CDKAL1: variants seen among roughly 807,000 people sequenced by gnomAD.
The protein encoded by CDKAL1 is threonylcarbamoyladenosine tRNA methylthiotransferase.
A neutral mutation model predicts 68.2 loss-of-function variants in CDKAL1; 32 were observed. That is an observed-to-expected ratio of 0.47 (90% CI 0.35 to 0.63). The LOEUF is 0.63. CDKAL1 is among the 30% of genes least tolerant of loss of function. The pLI, the probability that CDKAL1 is intolerant of heterozygous loss-of-function variation, is 0.00. For missense variants in CDKAL1, 606 were observed against 696.7 expected (o/e 0.87, Z 1.47); for synonymous variants, 234 against 244.3 (o/e 0.96, Z 0.39).
At chr6:20,794,284 A>G (rs535068097) in intron 8 of CDKAL1, among the ~76,000 whole-genome samples, 2 of 152,056 alleles carry the variant, frequency 1.3e-5, no homozygotes, top group Non-Finnish European at 2.9e-5. Context: ...AAATATATCT[A>G]CTGTAAATAT....
chr6:20,557,071 A>C, intron 4 of CDKAL1, among the ~76,000 whole-genome samples: 1 of 149,960 alleles, frequency 6.7e-6, no homozygotes, highest in Non-Finnish European at 1.5e-5. Flanking sequence ...ATAAATAAAT[A>C]AATAAATAAA....
chr6:21,173,167 A>G lies in CDKAL1; in HGVS notation c.1300-24854A>G, dbSNP rs1239190347. ...GCATCCCCCCCACACACCCAAAAAT[A>G]CTCTTGGATGAGTAATTGTGCCTAT... On this transcript the variant is annotated intron_variant, in intron 13 of 15. Coordinates refer to ENST00000274695, the MANE Select transcript of CDKAL1 (RefSeq NM_017774.3). 6.0e-5 allele frequency among the ~76,000 whole-genome samples: 9 copies of G among 150,824 alleles called. No homozygotes were observed. The East Asian group carries it at 1.6e-3, about 26-fold the overall frequency.
chr6:21,135,031 G>T (rs761810777), intron 13 of CDKAL1, among the ~76,000 whole-genome samples: 23 of 152,034 alleles, frequency 1.5e-4, no homozygotes, highest in Non-Finnish European at 2.9e-4. Flanking sequence ...GAAATCTTAC[G>T]TAAATAGTCT....
chr6:20,955,121 G>A (rs982855560), intron 9 of CDKAL1, among the ~76,000 whole-genome samples: 1 of 152,150 alleles, frequency 6.6e-6, no homozygotes, highest in Non-Finnish European at 1.5e-5. Context: ...TGGGACTGAG[G>A]CTTTAGTCTT....
intron 5 of CDKAL1, among the ~76,000 whole-genome samples, chr6:20,684,311 A>T (rs551975699): frequency 6.6e-6 from 1 of 152,164 alleles, no homozygotes; most frequent in African/African-American, 2.4e-5. Context: ...GCGTGGTGGC[A>T]TGTGCCTGTA....
intron 4 of CDKAL1, among the ~76,000 whole-genome samples, chr6:20,554,710 T>C (rs1391582692): frequency 1.3e-5 from 2 of 152,172 alleles, no homozygotes; most frequent in African/African-American, 4.8e-5. Context: ...CCTAGCCTGA[T>C]AGTGGAATAA....
At chr6:21,061,177 T>C (rs984616158) in intron 11 of CDKAL1, among the ~76,000 whole-genome samples, 2 of 152,166 alleles carry the variant, frequency 1.3e-5, no homozygotes, top group Non-Finnish European at 2.9e-5. Context: ...ATGTCCCTGA[T>C]ATATCTTTAC....
At position 20,748,554 on chromosome 6, in the gene CDKAL1, GGAAAAAAAAAAA is replaced by G. The variant is rs1262987098; in HGVS notation, c.468+8940_468+8951del. On this transcript the variant is annotated intron_variant, in intron 6 of 15. Coordinates refer to ENST00000274695, the MANE Select transcript of CDKAL1 (RefSeq NM_017774.3). ...GGAAAGAGAGCAAGACTCTGTTTCT[GGAAAAAAAAAAA>G]AAAAAAAAAAAAAAAAAAAAAAAAA... is the stretch of plus-strand genomic sequence containing the variant. 3.2e-4 allele frequency among the ~76,000 whole-genome samples: 25 copies of G among 77,090 alleles called. 2 individuals carry two copies. The highest frequency in any genetic ancestry group is 1.2e-3 in the African/African-American group (25 of 21,016). 50.6% of individuals were successfully genotyped at this position (77,090 alleles called of 152,430 possible).
At chr6:21,012,232 G>A (rs1293265929) in intron 11 of CDKAL1, among the ~76,000 whole-genome samples, 1 of 152,320 alleles carries the variant, frequency 6.6e-6, no homozygotes, top group East Asian at 1.9e-4. Context: ...CTGCAAGAGA[G>A]GCTAAGAAAA....
chr6:20,646,806 C>G (rs543448724), intron 4 of CDKAL1, among the ~76,000 whole-genome samples: 1 of 152,086 alleles, frequency 6.6e-6, no homozygotes, highest in Non-Finnish European at 1.5e-5. Flanking sequence ...TATGGTGGCA[C>G]GATCTCGGCT....
At chr6:20,739,725 T>C (rs1383662251) in intron 6 of CDKAL1, 110 bp downstream of exon 6, 14 of 573,780 alleles carry the variant, frequency 2.4e-5, no homozygotes, top group South Asian at 1.3e-4. Context: ...GTTACACTTA[T>C]GGCTGTCCTA....
At chr6:20,667,633 C>G (rs1245349236) in intron 5 of CDKAL1, among the ~76,000 whole-genome samples, 2 of 151,974 alleles carry the variant, frequency 1.3e-5, no homozygotes, top group Non-Finnish European at 2.9e-5. Flanking sequence ...CTTATTTTTT[C>G]TCTTCTGCCA....
intron 11 of CDKAL1, among the ~76,000 whole-genome samples, chr6:21,064,256 G>T (rs1771296042): frequency 6.6e-6 from 1 of 152,106 alleles, no homozygotes; most frequent in South Asian, 2.1e-4. Context: ...CACCCCTACA[G>T]AATGAGGGAG....
intron 8 of CDKAL1, among the ~76,000 whole-genome samples, chr6:20,794,396 G>C (rs1252516841): frequency 6.6e-6 from 1 of 152,074 alleles, no homozygotes; most frequent in Non-Finnish European, 1.5e-5. Flanking sequence ...TAAGCTATTT[G>C]TTTATGTGCT....
intron 15 of CDKAL1, among the ~76,000 whole-genome samples, chr6:21,203,691 CTTTTTTT>C (rs915087377): frequency 1.1e-4 from 10 of 94,132 alleles, no homozygotes; most frequent in Admixed American, 5.3e-4. Flanking sequence ...CACTTGACCT[CTTTTTTT>C]TTTTTTTTTT....
At chr6:20,722,029 C>CCCGATTTTGTTATTTTATG (rs1772403318) in intron 5 of CDKAL1, among the ~76,000 whole-genome samples, 1 of 151,980 alleles carries the variant, frequency 6.6e-6, no homozygotes, top group Non-Finnish European at 1.5e-5. Flanking sequence ...CCGTGCCTGG[C>CCCGATTTTGTTATTTTATG]CCGATTTTGT....
chr6:20,884,629 T>C (rs192022198), intron 9 of CDKAL1, among the ~76,000 whole-genome samples: 6 of 152,338 alleles, frequency 3.9e-5, no homozygotes, highest in Non-Finnish European at 8.8e-5. Flanking sequence ...AGAAAACTAC[T>C]AGAACTATGA....
chr6:20,894,233 A>G (rs1242368202), intron 9 of CDKAL1, among the ~76,000 whole-genome samples: 22 of 151,990 alleles, frequency 1.4e-4, no homozygotes, highest in Admixed American at 1.4e-3. Context: ...TACCTTAACT[A>G]TTTTTTGGTC....
intron 8 of CDKAL1, among the ~76,000 whole-genome samples, chr6:20,802,345 T>A (rs1195828289): frequency 6.7e-6 from 1 of 150,020 alleles, no homozygotes; most frequent in African/African-American, 2.5e-5. Context: ...ATAATAATAA[T>A]GTGAATGAGT....
Sources: gnomAD v4.1 joint callset for allele counts (sites outside exome capture counted in the v4.1 genomes callset) on GRCh38, gnomAD v4.1.1 for gene constraint, MANE v1.5 for transcripts, NCBI Gene and HGNC (gene_info 2026-07-23, HGNC 2026-07-21) for gene names.